Variants in PHF6 observed in about 807,000 individuals in gnomAD.
PHF6 encodes the protein PHD-like zinc finger protein.
Under a neutral mutation model 34.0 loss-of-function variants are expected in PHF6, and 7 were observed. The observed-to-expected ratio is 0.21, with a 90% CI of 0.12 to 0.39. The LOEUF (loss-of-function observed/expected upper bound fraction) is 0.39. Ranked by LOEUF, PHF6 falls within the 10% of genes least tolerant of loss-of-function variation. PHF6 has a pLI of 1.00. For synonymous variants in PHF6, 89 were observed against 88.4 expected (o/e 1.01, Z -0.04); for missense variants, 128 against 262.8 (o/e 0.49, Z 3.55).
chrX:134,389,518 C>G (rs980616479), intron 3 of PHF6, among the ~76,000 whole-genome samples: 3 of 111,549 alleles, frequency 2.7e-5, no homozygotes, highest in African/African-American at 9.8e-5. Context: ...TATAACCAAC[C>G]AGGTGCCTTG....
rs889627001 is a variant in PHF6, at chrX:134,385,090, C to A, written c.240+6984C>A. 9.8e-5 allele frequency among the ~76,000 whole-genome samples: 11 copies of A among 111,869 alleles called. 1 individual carries two copies. Among genetic ancestry groups the A allele is most frequent in the Non-Finnish European group, 2.1e-4 (11 of 53,183 alleles). Reference sequence around the variant, plus strand: ...GGAAACCTTTCATGATTTCTTACTGCATACAATATAATGTCCAGAGGCCTC... The same window carrying A: ...GGAAACCTTTCATGATTTCTTACTGAATACAATATAATGTCCAGAGGCCTC... On this transcript the variant is annotated intron_variant, in intron 3 of 10. Coordinates refer to ENST00000370803, the MANE Select transcript of PHF6 (RefSeq NM_001015877.2).
chrX:134,383,807 A>T (rs2077318366), intron 3 of PHF6, among the ~76,000 whole-genome samples: 1 of 111,587 alleles, frequency 9.0e-6, no homozygotes, highest in Non-Finnish European at 1.9e-5. Flanking sequence ...CCCAAGCCAG[A>T]ACTCCTAATC....
At position 134,413,477 on chromosome X, in the gene PHF6, T is replaced by C; in HGVS notation, c.419-14T>C. 8.3e-7 allele frequency: 1 copy of C among 1,210,270 alleles called. No homozygotes were observed. On this transcript the variant is annotated splice_polypyrimidine_tract_variant and intron_variant, in intron 5 of 10. Transcript: ENST00000370803. ...AGATTGGTCCATAAAAAGTTTTTGT[T>C]CATTTTTAAGCAGCTGATTTAGAAG...
chrX:134,403,801 A>T lies in PHF6; in HGVS notation c.419-9690A>T, dbSNP rs773169511. Reference sequence around the variant, plus strand: ...TCCTAGGGCCCTTAAGAATTACAATAAATCTACTCTGTTTATACTCTATAA... The same window carrying T: ...TCCTAGGGCCCTTAAGAATTACAATTAATCTACTCTGTTTATACTCTATAA... On this transcript the variant is annotated intron_variant, in intron 5 of 10. Transcript: ENST00000370803. Among the ~76,000 whole-genome samples, 5 of 111,955 alleles carry T rather than the reference A, an allele frequency of 4.5e-5. No individual in the cohort carries two copies. In the East Asian group the frequency reaches 1.4e-3, roughly 31 times the overall value.
intron 3 of PHF6, among the ~76,000 whole-genome samples, chrX:134,385,127 C>A (rs762828333): frequency 9.0e-6 from 1 of 111,624 alleles, no homozygotes; most frequent in African/African-American, 3.3e-5. Context: ...GCCTGCCATT[C>A]AGAAGTCTTG....
chrX:134,406,254 A>G (rs1360815317), intron 5 of PHF6, among the ~76,000 whole-genome samples: 2 of 110,830 alleles, frequency 1.8e-5, no homozygotes, highest in African/African-American at 3.3e-5. Context: ...ATAGAATTTT[A>G]TAGTTTACAA....
intron 5 of PHF6, among the ~76,000 whole-genome samples, chrX:134,399,257 G>A (rs1285048496): frequency 9.0e-6 from 1 of 111,216 alleles, no homozygotes; most frequent in Non-Finnish European, 1.9e-5. Flanking sequence ...AGAGTAATAG[G>A]GGTAAAAGCC....
chrX:134,387,801 T>G (rs757628756), intron 3 of PHF6, among the ~76,000 whole-genome samples: 1 of 111,551 alleles, frequency 9.0e-6, no homozygotes, highest in East Asian at 2.8e-4. Flanking sequence ...AGTAAAAATT[T>G]AATGAGTACT....
At chrX:134,380,954 C>T (rs2077304715) in intron 3 of PHF6, among the ~76,000 whole-genome samples, 1 of 111,430 alleles carries the variant, frequency 9.0e-6, no homozygotes, top group Admixed American at 9.5e-5. Flanking sequence ...TCAAGCAATT[C>T]TCCTGCCTCA....
Position 134,428,488 on chromosome X carries a change from A to C in PHF6, c.*2828A>C, listed in dbSNP as rs1180303955. 1 of 158,273 alleles carries C rather than the reference A, an allele frequency of 6.3e-6. No individual in the cohort carries two copies. Among genetic ancestry groups the C allele is most frequent in the Non-Finnish European group, 1.2e-5 (1 of 81,267 alleles). 13.0% of individuals were successfully genotyped at this position (158,273 alleles called of 1,213,427 possible). ...TATTGAATCAGAATCTGTGTACTTGAACAAATGTGTGAATCTCAAATATCT... is the reference window on the plus strand; with the variant it reads ...TATTGAATCAGAATCTGTGTACTTGCACAAATGTGTGAATCTCAAATATCT... On this transcript the variant is annotated 3_prime_UTR_variant, in exon 11 of 11. Transcript: ENST00000370803.
At chrX:134,392,012 A>G (rs2077356895) in intron 3 of PHF6, among the ~76,000 whole-genome samples, 1 of 111,904 alleles carries the variant, frequency 8.9e-6, no homozygotes, top group African/African-American at 3.2e-5. Flanking sequence ...TGTATCAATA[A>G]TGGGCACTGG....
chrX:134,393,964 A>G lies in PHF6; in HGVS notation c.418+12A>G. The G allele has an allele frequency of 8.3e-7, 1 of 1,207,614 alleles. No homozygotes were observed. On this transcript the variant is annotated intron_variant, in intron 5 of 10. Coordinates refer to ENST00000370803, the MANE Select transcript of PHF6 (RefSeq NM_001015877.2). ...ACATAACTCCGAAGGTACATCATTTAGCCACGTTTCAGCCACTTTTCAGTT... is the reference window on the plus strand; with the variant it reads ...ACATAACTCCGAAGGTACATCATTTGGCCACGTTTCAGCCACTTTTCAGTT...
chrX:134,382,794 C>T (rs1364323788), intron 3 of PHF6, among the ~76,000 whole-genome samples: 1 of 109,989 alleles, frequency 9.1e-6, no homozygotes, highest in Non-Finnish European at 1.9e-5. Context: ...TCTCAAACTC[C>T]TGACCTCAGG....
chrX:134,406,060 C>CT (rs112004124), intron 5 of PHF6, among the ~76,000 whole-genome samples: 1 of 65,378 alleles, frequency 1.5e-5, no homozygotes, highest in Non-Finnish European at 3.0e-5. Context: ...TGTCCTTTTT[C>CT]TTTTTCTTTC....
intron 9 of PHF6, 58 bp downstream of exon 9, chrX:134,417,360 A>T: frequency 8.9e-7 from 1 of 1,118,535 alleles, no homozygotes; most frequent in Non-Finnish European, 1.2e-6. Flanking sequence ...CCTTAAATAG[A>T]TGACATTAGT....
intron 3 of PHF6, among the ~76,000 whole-genome samples, chrX:134,389,294 C>T (rs948763347): frequency 5.4e-5 from 6 of 110,856 alleles, no homozygotes; most frequent in East Asian, 5.7e-4. Flanking sequence ...GCCTTTTTTG[C>T]GGGGAGTTGG....
intron 4 of PHF6, 109 bp downstream of exon 4, chrX:134,393,743 G>A (rs1267365179): frequency 1.2e-6 from 1 of 848,966 alleles, no homozygotes; most frequent in Non-Finnish European, 1.7e-6. Context: ...CATAAAGGGT[G>A]TTTTTGATAA....
chrX:134,417,133 A>C lies in PHF6; in HGVS notation c.835-36A>C, dbSNP rs376797925. On this transcript the variant is annotated intron_variant, in intron 8 of 10. Transcript: ENST00000370803. The stretch of plus-strand genomic sequence containing the variant: ...TAGAAAATAGCTGCTGTTTTCTTGA[A>C]ATACGGCTTACGATTATTTCTCTTT... 25 of 1,205,112 alleles carry C rather than the reference A, an allele frequency of 2.1e-5. No homozygotes were observed. In the African/African-American group the frequency reaches 3.3e-4, roughly 16 times the overall value.
At position 134,377,552 on chromosome X, in the gene PHF6, G is replaced by A. The variant is rs1370827622; in HGVS notation, c.-46-20G>A. 6.6e-6 allele frequency: 7 copies of A among 1,059,153 alleles called. No individual in the cohort carries two copies. The highest frequency in any genetic ancestry group is 3.8e-5 in the African/African-American group (2 of 52,631). The allele number at this position is 1,059,153 out of a possible 1,213,427, so 87.3% of individuals were successfully genotyped here. A position where few individuals can be genotyped will look rare whatever the true frequency, so the allele number is the denominator to read the frequency against. On this transcript the variant is annotated intron_variant, in intron 1 of 10. Coordinates refer to ENST00000370803, the MANE Select transcript of PHF6 (RefSeq NM_001015877.2). ...ATTTTAAAATAAAATTAACATTGTCGCCCTTCTTATTCTCTGTAGCATTTC... is the reference window on the plus strand; with the variant it reads ...ATTTTAAAATAAAATTAACATTGTCACCCTTCTTATTCTCTGTAGCATTTC...
Sources: allele counts gnomAD v4.1 joint callset (sites outside exome capture counted in the v4.1 genomes callset), GRCh38; gene constraint gnomAD v4.1.1; transcripts MANE v1.5; gene names NCBI Gene and HGNC (gene_info 2026-07-23, HGNC 2026-07-21).